The following UNC13B variants were observed in gnomAD, a reference collection of about 807,000 sequenced individuals.
UNC13B encodes the protein unc-13 homolog B, also known as protein unc-13 homolog B.
Under a neutral mutation model 211.0 loss-of-function variants are expected in UNC13B, and 144 were observed. The observed-to-expected ratio is 0.68, with a 90% confidence interval of 0.60 to 0.78. The LOEUF is 0.78. Among genes scored for constraint, UNC13B ranks in the 30% least tolerant of loss-of-function variants. The pLI, the probability that UNC13B is intolerant of heterozygous loss-of-function variation, is 0.00. For synonymous variants in UNC13B, 709 were observed against 725.8 expected, an observed-to-expected ratio of 0.98 and a Z score of 0.37; for missense variants, 1,777 against 2,002.0, an observed-to-expected ratio of 0.89 and a Z score of 2.14.
At chr9:35,250,860 C>T (rs1430686681) in intron 6 of UNC13B, among the ~76,000 whole-genome samples, 1 of 151,368 alleles carries the variant, frequency 6.6e-6, no homozygotes, top group Non-Finnish European at 1.5e-5. Flanking sequence ...CGATTCTTAG[C>T]ATGTATGAAG....
intron 1 of UNC13B, among the ~76,000 whole-genome samples, chr9:35,206,199 A>G (rs897947240): frequency 6.6e-6 from 1 of 152,184 alleles, no homozygotes; most frequent in Admixed American, 6.5e-5. Flanking sequence ...TGTCTCAAAA[A>G]TAAAAATTAA....
intron 1 of UNC13B, among the ~76,000 whole-genome samples, chr9:35,180,363 A>C (rs939642168): frequency 5.9e-5 from 9 of 152,202 alleles, no homozygotes; most frequent in African/African-American, 2.2e-4. Flanking sequence ...CCTAGCAGTG[A>C]TATCTAAGAC....
intron 26 of UNC13B, among the ~76,000 whole-genome samples, chr9:35,392,508 G>T (rs1835595710): frequency 6.6e-6 from 1 of 151,986 alleles, no homozygotes; most frequent in Non-Finnish European, 1.5e-5. Context: ...GAGGAGTTTT[G>T]GGGGCCTGGA....
chr9:35,378,001 C>A (rs1489186362), intron 16 of UNC13B, among the ~76,000 whole-genome samples: 4 of 151,724 alleles, frequency 2.6e-5, no homozygotes, highest in Non-Finnish European at 5.9e-5. Flanking sequence ...GGGCAGGGGA[C>A]CAGGGAGTAG....
rs549111622 is a variant in UNC13B, at chr9:35,399,661, C to A, written c.12268C>A (p.Arg4090=). The A allele has an allele frequency of 6.2e-7, 1 of 1,613,962 alleles. No homozygotes were observed. Among genetic ancestry groups the A allele is most frequent in the African/African-American group, 1.3e-5 (1 of 74,868 alleles). The change falls in exon 36 of 40, where the codon CGA becomes AGA. Residue 4090 remains arginine, a synonymous_variant. Transcript: ENST00000635942. ...HLSKLKDHMV[R]EETRNLTPKQ... Reference sequence around the variant, plus strand: ...TTTCTCTGAACAGGATCACATGGTACGAGAGGAAACACGGAATCTCACTCC... The same window carrying A: ...TTTCTCTGAACAGGATCACATGGTAAGAGAGGAAACACGGAATCTCACTCC...
rs777117098 is a variant in UNC13B at position 35,307,323 on chromosome 9, C to T, written c.7919C>T (p.Thr2640Met). 20 of 398,988 alleles carry T rather than the reference C, an allele frequency of 5.0e-5. No individual in the cohort carries two copies. Among genetic ancestry groups the T allele is most frequent in the Middle Eastern group, 6.3e-4 (1 of 1,588 alleles). 24.7% of individuals were successfully genotyped at this position (398,988 alleles called of 1,614,324 possible). The change falls in exon 9 of 40, where the codon ACG becomes ATG. Residue 2640 changes from threonine (T) to methionine (M), a missense_variant. By Grantham distance (81) the Thr-to-Met change is moderately conservative (BLOSUM62 -1). Coordinates refer to ENST00000635942, the MANE Select transcript of UNC13B (RefSeq NM_001371189.2). The stretch of plus-strand genomic sequence containing the variant: ...ATGGGGATATTGCAAGCTACAGACA[C>T]GGAGGCATCGTTAGAAGCAGAGAAC... ...GDMGILQATD[T>M]EASLEAENFA...
chr9:35,236,508 A>G lies in UNC13B; in HGVS notation c.192A>G (p.Val64=), dbSNP rs767913026. The G allele has an allele frequency of 6.2e-6, 10 of 1,613,974 alleles. No individual in the cohort carries two copies. The East Asian group carries it at 1.1e-4, about 18-fold the overall frequency. Residue 64 remains valine, a synonymous_variant, in exon 4 of 40, where the codon GTA becomes GTG. Transcript: ENST00000635942. ...TGGACCTGGGTCTAAGTGTGGAGGT[A>G]TGGAACAAAGGACTGATCTGGGACA... ...SRLDLGLSVE[V]WNKGLIWDTM...
chr9:35,168,622 G>C (rs1821169838), intron 1 of UNC13B, among the ~76,000 whole-genome samples: 2 of 151,648 alleles, frequency 1.3e-5, no homozygotes, highest in African/African-American at 4.8e-5. Context: ...CTCTGCTCTT[G>C]TAAGTAAGTT....
At chr9:35,382,998 C>T (rs547206425) in intron 21 of UNC13B, among the ~76,000 whole-genome samples, 1 of 152,214 alleles carries the variant, frequency 6.6e-6, no homozygotes, top group Non-Finnish European at 1.5e-5. Flanking sequence ...CCTCTCCTCA[C>T]ACACAGATAA....
intron 24 of UNC13B, among the ~76,000 whole-genome samples, chr9:35,388,951 A>T (rs1011447385): frequency 6.6e-6 from 1 of 152,230 alleles, no homozygotes; most frequent in Admixed American, 6.5e-5. Context: ...CAGAAAAATA[A>T]AAGGAAGAGA....
At position 35,404,197 on chromosome 9, in the gene UNC13B, C is replaced by A; in HGVS notation, c.*164C>A. On this transcript the variant is annotated 3_prime_UTR_variant, in exon 40 of 40. Transcript: ENST00000635942. ...GGGGTGGTGATAATATGGCTTTTCA[C>A]AGAAAGGGTCATGAAGCCCTGGCCC... 1.1e-6 allele frequency: 1 copy of A among 916,168 alleles called. No homozygotes were observed. Among genetic ancestry groups the A allele is most frequent in the Non-Finnish European group, 1.6e-6 (1 of 625,884 alleles). The allele number at this position is 916,168 out of a possible 1,614,324, so 56.8% of individuals were successfully genotyped here.
chr9:35,377,999 G>T (rs536319819), intron 16 of UNC13B, among the ~76,000 whole-genome samples: 1 of 152,106 alleles, frequency 6.6e-6, no homozygotes, highest in East Asian at 1.9e-4. Context: ...AAGGGCAGGG[G>T]ACCAGGGAGT....
Position 35,310,238 on chromosome 9 carries a change from T to C in UNC13B, c.9009-229T>C, listed in dbSNP as rs80018482. Among the ~76,000 whole-genome samples the C allele has an allele frequency of 7.2e-3, 1,091 of 152,308 alleles. 7 individuals carry two copies. The highest frequency in any genetic ancestry group is 0.01 in the Admixed American group (155 of 15,302). ...TATACTTCAAAGTCAAGTGCAGAAC[T>C]GAGGTTAAGTGTCGTTGGAGAACCC... On this transcript the variant is annotated intron_variant, in intron 9 of 39. Transcript: ENST00000635942.
rs538664504 is a variant in UNC13B at position 35,195,605 on chromosome 9, T to A, written c.23-32410T>A. On this transcript the variant is annotated intron_variant, in intron 1 of 39. Coordinates refer to ENST00000635942, the MANE Select transcript of UNC13B (RefSeq NM_001371189.2). The stretch of plus-strand genomic sequence containing the variant: ...TTAAATCTTGTCCCTGATTTTAGCC[T>A]TTTTTACCTTATTTCTGATTTTAGC... 1.2e-4 allele frequency among the ~76,000 whole-genome samples: 18 copies of A among 152,318 alleles called. 1 individual carries two copies. Among genetic ancestry groups the A allele is most frequent in the Middle Eastern group, 3.4e-3 (1 of 294 alleles).
At chr9:35,346,861 G>A (rs374613041) in intron 11 of UNC13B, among the ~76,000 whole-genome samples, 1 of 151,876 alleles carries the variant, frequency 6.6e-6, no homozygotes, top group Admixed American at 6.6e-5. Context: ...TGTATGCCTC[G>A]TTTTGCTGGG....
chr9:35,298,602 G>A (rs1182264471), intron 8 of UNC13B, among the ~76,000 whole-genome samples: 2 of 152,158 alleles, frequency 1.3e-5, no homozygotes, highest in African/African-American at 4.8e-5. Flanking sequence ...TTACAGGTGA[G>A]AGCCACTGCA....
chr9:35,303,319 A>G lies in UNC13B; in HGVS notation c.3915A>G (p.Lys1305=). 1 of 398,642 alleles carries G rather than the reference A, an allele frequency of 2.5e-6. No homozygotes were observed. Among genetic ancestry groups the G allele is most frequent in the East Asian group, 3.6e-5 (1 of 28,072 alleles). 24.7% of individuals were successfully genotyped at this position (398,642 alleles called of 1,614,324 possible). Reference sequence around the variant, plus strand: ...GTGCTCAGCTAGGTTTTTTGGAGAAATCTATGGCTAAGAGGCAAATGCCAA... The same window carrying G: ...GTGCTCAGCTAGGTTTTTTGGAGAAGTCTATGGCTAAGAGGCAAATGCCAA... ...APSAQLGFLE[K]SMAKRQMPNH... Residue 1305 remains lysine, a synonymous_variant, in exon 9 of 40, where the codon AAA becomes AAG. Transcript: ENST00000635942.
chr9:35,401,350 C>A (rs957446188), intron 37 of UNC13B, among the ~76,000 whole-genome samples: 2 of 152,162 alleles, frequency 1.3e-5, no homozygotes, highest in Non-Finnish European at 2.9e-5. Context: ...CTCTATTCCC[C>A]ATCTGTTCTC....
At chr9:35,215,606 T>A (rs1261455298) in intron 1 of UNC13B, among the ~76,000 whole-genome samples, 1 of 152,192 alleles carries the variant, frequency 6.6e-6, no homozygotes, top group African/African-American at 2.4e-5. Context: ...TTAGTTAAAA[T>A]TCAGATGTAA....
Sources: allele counts gnomAD v4.1 joint callset (sites outside exome capture counted in the v4.1 genomes callset), GRCh38; gene constraint gnomAD v4.1.1; transcripts MANE v1.5; gene names NCBI Gene and HGNC (gene_info 2026-07-23, HGNC 2026-07-21).